Variants in B3GALT1 observed in about 807,000 individuals in gnomAD.
B3GALT1 encodes the protein UDP-Gal:betaGlcNAc beta 1,3-galactosyltransferase, polypeptide 1.
Under a neutral mutation model 23.2 loss-of-function variants are expected in B3GALT1, and 10 were observed. The ratio of observed to expected loss-of-function variants is 0.43; its 90% CI spans 0.27 to 0.73. B3GALT1 has a LOEUF of 0.73. Among genes scored for constraint, B3GALT1 ranks in the 30% least tolerant of loss-of-function variants. The pLI is 0.21. For synonymous variants in B3GALT1, 156 were observed against 141.5 expected (o/e 1.10, Z -0.73); for missense variants, 299 against 405.4 (o/e 0.74, Z 2.25).
intron 1 of B3GALT1, among the ~76,000 whole-genome samples, chr2:167,368,238 C>A (rs1333101492): frequency 6.6e-6 from 1 of 152,176 alleles, no homozygotes; most frequent in African/African-American, 2.4e-5. Flanking sequence ...TGCTCAAGTT[C>A]ACTCAAGTTT....
At chr2:167,566,237 A>G (rs1209755821) in intron 2 of B3GALT1, among the ~76,000 whole-genome samples, 3 of 152,124 alleles carry the variant, frequency 2.0e-5, no homozygotes, top group Admixed American at 1.3e-4. Flanking sequence ...CATTCTCAAT[A>G]AACTATCGCA....
At chr2:167,600,324 T>A (rs1684852606) in intron 2 of B3GALT1, among the ~76,000 whole-genome samples, 1 of 152,186 alleles carries the variant, frequency 6.6e-6, no homozygotes, top group South Asian at 2.1e-4. Context: ...GTGGATTTTG[T>A]AGCCTTTTCC....
intron 1 of B3GALT1, among the ~76,000 whole-genome samples, chr2:167,425,469 A>C (rs1467181863): frequency 6.6e-6 from 1 of 152,254 alleles, no homozygotes; most frequent in African/African-American, 2.4e-5. Context: ...CTCAACTAAC[A>C]GGTTTTAAAG....
chr2:167,608,722 G>A (rs1275291669), intron 2 of B3GALT1, among the ~76,000 whole-genome samples: 3 of 152,140 alleles, frequency 2.0e-5, no homozygotes, highest in South Asian at 4.1e-4. Flanking sequence ...CATCAAATGT[G>A]ATGGAAAACA....
Position 167,416,028 on chromosome 2 carries a change from G to A in B3GALT1, c.-510-74149G>A, listed in dbSNP as rs537695035. 2.0e-3 allele frequency among the ~76,000 whole-genome samples: 305 copies of A among 152,188 alleles called. 2 individuals carry two copies. Among genetic ancestry groups the A allele is most frequent in the Non-Finnish European group, 3.5e-4 (24 of 68,016 alleles). ...AAAAAAAAAGATTTGGAAAACTCTC[G>A]GCCTGGCCATGTAAGAAGTGAAAAA... On this transcript the variant is annotated intron_variant, in intron 1 of 4. Coordinates refer to ENST00000392690, the MANE Select transcript of B3GALT1 (RefSeq NM_020981.4).
At chr2:167,841,676 C>T (rs909562324) in intron 4 of B3GALT1, among the ~76,000 whole-genome samples, 4 of 152,184 alleles carry the variant, frequency 2.6e-5, no homozygotes, top group African/African-American at 9.7e-5. Context: ...ACGTTCCAGG[C>T]TGTTTTGTTT....
intron 3 of B3GALT1, among the ~76,000 whole-genome samples, chr2:167,748,876 A>T (rs1409514109): frequency 5.9e-5 from 9 of 152,166 alleles, no homozygotes; most frequent in African/African-American, 2.2e-4. Flanking sequence ...ATAATAAGTG[A>T]TGAGAATCAT....
At chr2:167,367,574 T>C (rs1282314262) in intron 1 of B3GALT1, among the ~76,000 whole-genome samples, 2 of 152,192 alleles carry the variant, frequency 1.3e-5, no homozygotes, top group Non-Finnish European at 2.9e-5. Context: ...TTGTCTGTTA[T>C]GTGTTCGGCT....
intron 1 of B3GALT1, among the ~76,000 whole-genome samples, chr2:167,441,677 A>G (rs1397057517): frequency 6.6e-6 from 1 of 152,130 alleles, no homozygotes; most frequent in African/African-American, 2.4e-5. Flanking sequence ...AAATATATTC[A>G]GATGCTCTCT....
chr2:167,614,281 G>GA lies in B3GALT1; in HGVS notation c.-409-32618dup, dbSNP rs558797055. Among the ~76,000 whole-genome samples, 1,099 of 130,392 alleles carry GA rather than the reference G, an allele frequency of 8.4e-3. 7 individuals carry two copies. The highest frequency in any genetic ancestry group is 0.016 in the Middle Eastern group (4 of 250). 85.5% of individuals were successfully genotyped at this position (130,392 alleles called of 152,430 possible). On this transcript the variant is annotated intron_variant, in intron 2 of 4. Transcript: ENST00000392690. ...ATTCATAATCAATAGCAAAGAAAATGAAAAAAAAAACCCATTCAATTTAAA... is the reference window on the plus strand; with the variant it reads ...ATTCATAATCAATAGCAAAGAAAATGAAAAAAAAAAACCCATTCAATTTAAA...
At chr2:167,440,285 G>A (rs896566813) in intron 1 of B3GALT1, among the ~76,000 whole-genome samples, 3 of 147,010 alleles carry the variant, frequency 2.0e-5, no homozygotes, top group Non-Finnish European at 4.5e-5. Context: ...GGAGCTTGCA[G>A]TGAGCCAAGA....
At chr2:167,640,316 A>T (rs1558933665) in intron 2 of B3GALT1, among the ~76,000 whole-genome samples, 1 of 152,164 alleles carries the variant, frequency 6.6e-6, no homozygotes, top group East Asian at 1.9e-4. Context: ...CCTCAGAGCC[A>T]CCCCCATGCA....
At chr2:167,562,674 C>A (rs900899627) in intron 2 of B3GALT1, among the ~76,000 whole-genome samples, 2 of 138,676 alleles carry the variant, frequency 1.4e-5, no homozygotes, top group African/African-American at 2.8e-5. Flanking sequence ...TTTAATTGAT[C>A]ATTCTTGGGT....
chr2:167,813,584 G>C (rs1310260667), intron 3 of B3GALT1, among the ~76,000 whole-genome samples: 1 of 152,154 alleles, frequency 6.6e-6, no homozygotes, highest in African/African-American at 2.4e-5. Flanking sequence ...TACATTGCCA[G>C]GAGTTAATAT....
At chr2:167,620,505 T>C (rs1361686598) in intron 2 of B3GALT1, among the ~76,000 whole-genome samples, 1 of 152,140 alleles carries the variant, frequency 6.6e-6, no homozygotes, top group Non-Finnish European at 1.5e-5. Context: ...TACAATCAAT[T>C]CTTAGTATTT....
intron 1 of B3GALT1, among the ~76,000 whole-genome samples, chr2:167,368,124 T>C (rs977299019): frequency 6.6e-6 from 1 of 152,148 alleles, no homozygotes; most frequent in South Asian, 2.1e-4. Context: ...TCATCTCAAG[T>C]AATCTATAGA....
intron 1 of B3GALT1, among the ~76,000 whole-genome samples, chr2:167,478,243 T>G (rs1306469609): frequency 2.0e-5 from 3 of 152,228 alleles, no homozygotes; most frequent in African/African-American, 7.2e-5. Context: ...ACTGATCTTG[T>G]GTTCCCAATC....
intron 2 of B3GALT1, among the ~76,000 whole-genome samples, chr2:167,584,769 G>T (rs1684558053): frequency 1.3e-5 from 2 of 152,184 alleles, no homozygotes; most frequent in Non-Finnish European, 2.9e-5. Flanking sequence ...AAAGGATACA[G>T]AGGAAGGGAT....
chr2:167,514,161 C>G (rs1198181562), intron 2 of B3GALT1, among the ~76,000 whole-genome samples: 1 of 152,154 alleles, frequency 6.6e-6, no homozygotes, highest in Non-Finnish European at 1.5e-5. Context: ...CCCACCTCAG[C>G]CTCCCAAAGT....
Sources: gnomAD v4.1 joint callset for allele counts (sites outside exome capture counted in the v4.1 genomes callset) on GRCh38, gnomAD v4.1.1 for gene constraint, MANE v1.5 for transcripts, NCBI Gene and HGNC (gene_info 2026-07-23, HGNC 2026-07-21) for gene names.